Variants in RTN4IP1 observed in about 807,000 individuals in gnomAD.
RTN4IP1 encodes the protein NAD(P)H oxidoreductase RTN4IP1, mitochondrial.
Under a neutral mutation model 46.6 loss-of-function variants are expected in RTN4IP1, and 32 were observed. The ratio of observed to expected loss-of-function variants is 0.69; its 90% CI spans 0.52 to 0.92. The LOEUF (loss-of-function observed/expected upper bound fraction) is 0.92, where lower values mean the gene tolerates loss of function less well. Ranked by LOEUF, RTN4IP1 falls within the 40% of genes least tolerant of loss-of-function variation. RTN4IP1 has a pLI of 0.00. For missense variants in RTN4IP1, 424 were observed against 485.8 expected (o/e 0.87, Z 1.20); for synonymous variants, 167 against 161.8 (o/e 1.03, Z -0.24).
intron 8 of RTN4IP1, among the ~76,000 whole-genome samples, chr6:106,578,297 A>AT (rs1775277472): frequency 1.3e-5 from 2 of 152,236 alleles, no homozygotes; most frequent in South Asian, 4.1e-4. Flanking sequence ...TGAACACATC[A>AT]TTTAATTTCT....
In RTN4IP1 at chr6:106,613,923, A is replaced by C. The variant is rs553619896; in HGVS notation, c.620+5279T>G. On this transcript the variant is annotated intron_variant, in intron 4 of 8. Transcript: ENST00000369063. ...ACCAACTGCCAATCGGAAAATTTTT[A>C]AATCTACCTATCACTTGGAAGCCCA... Among the ~76,000 whole-genome samples, 16 of 152,352 alleles carry C rather than the reference A, an allele frequency of 1.1e-4. No individual in the cohort carries two copies. The South Asian group carries it at 2.9e-3, about 28-fold the overall frequency.
In RTN4IP1 at chr6:106,621,375, C is replaced by T. The variant is rs749302810; in HGVS notation, c.495+50G>A. Reference sequence around the variant, plus strand: ...AACACCAGTTATTTCAGATATTTGCCAGTCTTTGTTTAAACTTTCTAATGC... The same window carrying T: ...AACACCAGTTATTTCAGATATTTGCTAGTCTTTGTTTAAACTTTCTAATGC... On this transcript the variant is annotated intron_variant, in intron 3 of 8. Transcript: ENST00000369063. 10 of 1,305,818 alleles carry T rather than the reference C, an allele frequency of 7.7e-6. No individual in the cohort carries two copies. In the South Asian group the frequency reaches 8.3e-5, roughly 11 times the overall value. 80.9% of individuals were successfully genotyped at this position (1,305,818 alleles called of 1,614,324 possible).
intron 5 of RTN4IP1, among the ~76,000 whole-genome samples, chr6:106,601,909 C>T (rs1198159454): frequency 6.6e-6 from 1 of 152,176 alleles, no homozygotes; most frequent in Non-Finnish European, 1.5e-5. Flanking sequence ...CCATGCCTGA[C>T]CTTGAGGGTT....
At chr6:106,589,300 A>AGAGGAG (rs1275678816) in intron 6 of RTN4IP1, among the ~76,000 whole-genome samples, 1 of 119,188 alleles carries the variant, frequency 8.4e-6, no homozygotes, top group Non-Finnish European at 1.8e-5. Flanking sequence ...GAGAAGAAGA[A>AGAGGAG]GAGGAGGAGG....
rs1776736213 is a variant in RTN4IP1 at position 106,629,007 on chromosome 6, C to T, written c.15G>A (p.Lys5=). 1 of 1,610,540 alleles carries T rather than the reference C, an allele frequency of 6.2e-7. No individual in the cohort carries two copies. Among genetic ancestry groups the T allele is most frequent in the Admixed American group, 1.7e-5 (1 of 59,790 alleles). The change falls in exon 1 of 9, where the codon AAG becomes AAA. Residue 5 remains lysine, a synonymous_variant. Transcript: ENST00000369063. ...ATGCATTTCTTCTAAGTACACAAGT[C>T]TTCAGAAATTCCATTGTAAACACTG... MEFL[K]TCVLRRNACT... is the part of the protein sequence containing the mutation.
chr6:106,619,218 T>A lies in RTN4IP1; in HGVS notation c.604A>T (p.Asn202Tyr). ...TACACTTACCGTTTTCCTGTGCAAT[T>A]CTTGTCATTCAGGCCACCAACTTTG... The part of the protein sequence containing the change: ...INKVGGLNDK[N>Y]CTGKRVLILG... The change falls in exon 4 of 9, where the codon AAT (asparagine) becomes TAT (tyrosine). Residue 202 changes from asparagine to tyrosine, a missense_variant. Transcript: ENST00000369063. 2.5e-6 allele frequency: 4 copies of A among 1,614,182 alleles called. No individual in the cohort carries two copies. The highest frequency in any genetic ancestry group is 3.4e-6 in the Non-Finnish European group (4 of 1,180,024).
intron 5 of RTN4IP1, among the ~76,000 whole-genome samples, chr6:106,593,273 T>C (rs987259530): frequency 6.6e-6 from 1 of 152,178 alleles, no homozygotes; most frequent in South Asian, 2.1e-4. Flanking sequence ...ATGCCTTATA[T>C]TTTAAAATAA....
chr6:106,607,056 T>C (rs376687770), intron 4 of RTN4IP1, among the ~76,000 whole-genome samples: 10 of 152,084 alleles, frequency 6.6e-5, no homozygotes, highest in African/African-American at 9.7e-5. Context: ...AACAGATACA[T>C]AGACCAATGG....
intron 6 of RTN4IP1, among the ~76,000 whole-genome samples, chr6:106,588,546 G>A (rs1333127190): frequency 1.3e-5 from 2 of 152,164 alleles, no homozygotes; most frequent in Non-Finnish European, 2.9e-5. Flanking sequence ...GGAATCCACA[G>A]AAACTGACAG....
In RTN4IP1 at chr6:106,622,803, C is replaced by T. The variant is rs1312528229; in HGVS notation, c.426+15G>A. The T allele has an allele frequency of 2.5e-6, 4 of 1,607,730 alleles. No individual in the cohort carries two copies. The highest frequency in any genetic ancestry group is 4.5e-5 in the East Asian group (2 of 44,720). ...GGTTGGATCCCCGCAGGAATAGTGG[C>T]ATTCCCTAACTCACCTCATCTCCAG... On this transcript the variant is annotated intron_variant, in intron 2 of 8. Transcript: ENST00000369063.
Position 106,629,408 on chromosome 6 carries a change from C to G in RTN4IP1, c.-387G>C. ...GCAGACACCGCTCGCGATCCAACGC[C>G]AGAGAATCGAACGCTTGCCGACTGC... On this transcript the variant is annotated 5_prime_UTR_variant, in exon 1 of 9. Coordinates refer to ENST00000369063, the MANE Select transcript of RTN4IP1 (RefSeq NM_032730.5). The G allele has an allele frequency of 6.9e-6, 4 of 577,156 alleles. No homozygotes were observed. Among genetic ancestry groups the G allele is most frequent in the South Asian group, 4.3e-5 (2 of 46,046 alleles). The allele number at this position is 577,156 out of a possible 1,614,324, so 35.8% of individuals were successfully genotyped here.
At chr6:106,611,411 A>C (rs1483169108) in intron 4 of RTN4IP1, among the ~76,000 whole-genome samples, 1 of 152,252 alleles carries the variant, frequency 6.6e-6, no homozygotes, top group Non-Finnish European at 1.5e-5. Context: ...TTAGAGTGTC[A>C]TCTATTAAAT....
chr6:106,623,602 T>C (rs565659733), intron 1 of RTN4IP1, among the ~76,000 whole-genome samples: 4 of 152,220 alleles, frequency 2.6e-5, no homozygotes, highest in Non-Finnish European at 5.9e-5. Context: ...TAAAAAGATT[T>C]TCTTTAAAAA....
intron 1 of RTN4IP1, among the ~76,000 whole-genome samples, chr6:106,626,659 C>T (rs1337475034): frequency 1.3e-5 from 2 of 152,136 alleles, no homozygotes; most frequent in Non-Finnish European, 2.9e-5. Flanking sequence ...CTAACAAGCC[C>T]CTGAACCCAG....
rs553332562 is a variant in RTN4IP1 at position 106,621,541 on chromosome 6, T to C, written c.427-48A>G. 8.4e-6 allele frequency: 13 copies of C among 1,551,138 alleles called. No individual in the cohort carries two copies. In the Admixed American group the frequency reaches 1.8e-4, roughly 22 times the overall value. On this transcript the variant is annotated intron_variant, in intron 2 of 8. Coordinates refer to ENST00000369063, the MANE Select transcript of RTN4IP1 (RefSeq NM_032730.5). ...GCTTCATTAGAAACACAGATATTTT[T>C]TGACCGAAGCTAAGCAAGAAAGTGT... is the stretch of plus-strand genomic sequence containing the variant.
intron 7 of RTN4IP1, among the ~76,000 whole-genome samples, chr6:106,586,429 C>T (rs1231847306): frequency 1.3e-5 from 2 of 151,834 alleles, no homozygotes; most frequent in East Asian, 3.9e-4. Flanking sequence ...GGCTGCAGTA[C>T]AGTGGCACGA....
chr6:106,620,354 C>T (rs562408612), intron 3 of RTN4IP1, among the ~76,000 whole-genome samples: 20 of 152,264 alleles, frequency 1.3e-4, no homozygotes, highest in East Asian at 3.9e-4. Context: ...CCACGCACCT[C>T]GGCCTCCCAA....
rs747495310 is a variant in RTN4IP1, at chr6:106,587,821, G to A, written c.848C>T (p.Thr283Ile). The A allele has an allele frequency of 6.2e-7, 1 of 1,613,730 alleles. No homozygotes were observed. The highest frequency in any genetic ancestry group is 1.1e-5 in the South Asian group (1 of 91,046). ...TTTCTTGAGAAAATCTGGAGCCCAT[G>A]TTTCAGTGGATCCGCCAACATTATC... ...ILDNVGGSTE[T>I]WAPDFLKKWS... is the part of the protein sequence containing the mutation. Residue 283 changes from threonine to isoleucine, a missense_variant, in exon 7 of 9, where the codon ACA (threonine) becomes ATA (isoleucine). Physicochemically the swap from Thr to Ile is moderately conservative, Grantham distance 89. Coordinates refer to ENST00000369063, the MANE Select transcript of RTN4IP1 (RefSeq NM_032730.5).
chr6:106,592,968 A>G (rs1775700510), intron 5 of RTN4IP1, among the ~76,000 whole-genome samples: 1 of 152,046 alleles, frequency 6.6e-6, no homozygotes. Context: ...TTTCAAGGAT[A>G]GCAAAGTTAA....
Sources: allele counts gnomAD v4.1 joint callset (sites outside exome capture counted in the v4.1 genomes callset), GRCh38; gene constraint gnomAD v4.1.1; transcripts MANE v1.5; gene names NCBI Gene and HGNC (gene_info 2026-07-23, HGNC 2026-07-21).